Variants in DOK6 observed in about 807,000 individuals in gnomAD.
DOK6 encodes downstream of tyrosine kinase 6.
A neutral mutation model predicts 44.0 loss-of-function variants in DOK6; 22 were observed. That is an observed-to-expected ratio of 0.50 (90% CI 0.36 to 0.71). DOK6 has a LOEUF of 0.71. Among genes scored for constraint, DOK6 ranks in the 30% least tolerant of loss-of-function variants. The pLI is 0.00. For missense variants in DOK6, 340 were observed against 416.4 expected, an observed-to-expected ratio of 0.82 and a Z score of 1.60; for synonymous variants, 166 against 145.5, an observed-to-expected ratio of 1.14 and a Z score of -1.01.
chr18:69,844,818 T>C lies in DOK6; in HGVS notation c.*3435T>C, dbSNP rs1444820162. The stretch of plus-strand genomic sequence containing the variant: ...AGTAAACCTCACCTTTTTCACCAAA[T>C]AGTAACTAGAGAACTAGTCCTAGTA... On this transcript the variant is annotated 3_prime_UTR_variant, in exon 8 of 8. Coordinates refer to ENST00000382713, the MANE Select transcript of DOK6 (RefSeq NM_152721.6). 1.3e-5 allele frequency: 2 copies of C among 152,218 alleles called. No individual in the cohort carries two copies. The highest frequency in any genetic ancestry group is 2.4e-5 in the African/African-American group (1 of 41,452). The allele number at this position is 152,218 out of a possible 1,614,324, so 9.4% of individuals were successfully genotyped here.
chr18:69,628,248 T>G (rs1433118188), intron 3 of DOK6, among the ~76,000 whole-genome samples: 1 of 152,194 alleles, frequency 6.6e-6, no homozygotes. Context: ...CAGCATTTTT[T>G]GGGAGGCTGA....
At chr18:69,799,806 T>C (rs1466589098) in intron 7 of DOK6, among the ~76,000 whole-genome samples, 1 of 152,024 alleles carries the variant, frequency 6.6e-6, no homozygotes. Context: ...ACCGAGGCAT[T>C]TTATTACGCT....
chr18:69,566,095 T>C (rs2144599278), intron 2 of DOK6, among the ~76,000 whole-genome samples: 1 of 151,808 alleles, frequency 6.6e-6, no homozygotes, highest in Non-Finnish European at 1.5e-5. Flanking sequence ...TGGAGCTCTC[T>C]AGCCAGTACA....
rs183053141 is a variant in DOK6, at chr18:69,547,962, A to G, written c.67-16525A>G. On this transcript the variant is annotated intron_variant, in intron 1 of 7. Transcript: ENST00000382713. ...TATATAATATATATAAAATATATAT[A>G]TATGTATTTTTGAGACAGAGTCTCG... 7.8e-4 allele frequency among the ~76,000 whole-genome samples: 115 copies of G among 146,576 alleles called. 5 individuals carry two copies. The highest frequency in any genetic ancestry group is 2.7e-3 in the Admixed American group (40 of 14,594).
chr18:69,458,300 T>C (rs1308474409), intron 1 of DOK6, among the ~76,000 whole-genome samples: 1 of 152,132 alleles, frequency 6.6e-6, no homozygotes, highest in Non-Finnish European at 1.5e-5. Context: ...CAAAAACATA[T>C]ATCATCTCAA....
chr18:69,552,864 A>G (rs2144589718), intron 1 of DOK6, among the ~76,000 whole-genome samples: 1 of 152,400 alleles, frequency 6.6e-6, no homozygotes, highest in South Asian at 2.1e-4. Flanking sequence ...GAAAAGCTGT[A>G]TTCATAGAGA....
intron 1 of DOK6, among the ~76,000 whole-genome samples, chr18:69,474,450 A>G (rs942201707): frequency 1.3e-5 from 2 of 152,318 alleles, no homozygotes; most frequent in South Asian, 4.1e-4. Context: ...TTATTCTAAT[A>G]TCAATAAGAA....
chr18:69,742,369 G>A (rs182784465), intron 6 of DOK6, among the ~76,000 whole-genome samples: 7 of 149,462 alleles, frequency 4.7e-5, no homozygotes, highest in Non-Finnish European at 7.4e-5. Flanking sequence ...AGCCGAGTTC[G>A]TGCCATTGCA....
intron 5 of DOK6, among the ~76,000 whole-genome samples, chr18:69,731,234 T>TA (rs1978390431): frequency 1.3e-5 from 2 of 152,276 alleles, no homozygotes; most frequent in Middle Eastern, 3.4e-3. Flanking sequence ...AGTTTTTAAA[T>TA]AAAAAGTTAA....
At chr18:69,702,255 T>A (rs913601320) in intron 5 of DOK6, among the ~76,000 whole-genome samples, 5 of 151,728 alleles carry the variant, frequency 3.3e-5, no homozygotes, top group African/African-American at 1.2e-4. Context: ...ACTACTGATA[T>A]CTGTCCTGCA....
intron 1 of DOK6, among the ~76,000 whole-genome samples, chr18:69,444,778 T>C (rs2122447592): frequency 6.6e-6 from 1 of 151,882 alleles, no homozygotes; most frequent in African/African-American, 2.4e-5. Flanking sequence ...AAGTAGCTCT[T>C]GAAATTGAGA....
At chr18:69,816,173 C>T (rs571079979) in intron 7 of DOK6, among the ~76,000 whole-genome samples, 37 of 152,230 alleles carry the variant, frequency 2.4e-4, no homozygotes, top group Admixed American at 5.9e-4. Context: ...AGGCCCTCTC[C>T]GCTCCCACTG....
chr18:69,681,837 T>C (rs1263332246), intron 4 of DOK6, among the ~76,000 whole-genome samples: 4 of 152,196 alleles, frequency 2.6e-5, no homozygotes, highest in African/African-American at 9.6e-5. Context: ...AAGAAGCAAT[T>C]CACTTGTAGG....
At chr18:69,631,011 C>A (rs550893773) in intron 3 of DOK6, among the ~76,000 whole-genome samples, 4 of 152,002 alleles carry the variant, frequency 2.6e-5, no homozygotes, top group Non-Finnish European at 5.9e-5. Context: ...AATTTGCATT[C>A]AAGGTGTTAT....
At chr18:69,422,983 T>C (rs895181802) in intron 1 of DOK6, among the ~76,000 whole-genome samples, 4 of 152,130 alleles carry the variant, frequency 2.6e-5, no homozygotes, top group African/African-American at 9.7e-5. Flanking sequence ...TTTTAGAAAG[T>C]TCTTCTTTTC....
chr18:69,542,671 T>C lies in DOK6; in HGVS notation c.67-21816T>C, dbSNP rs1459628640. On this transcript the variant is annotated intron_variant, in intron 1 of 7. Transcript: ENST00000382713. ...ATGTACTTTTTGCAGTTTCAGAGAT[T>C]GATTTTTTTTTCTGAGTAAAAACGC... 4.0e-5 allele frequency among the ~76,000 whole-genome samples: 6 copies of C among 151,390 alleles called. 1 individual carries two copies. Among genetic ancestry groups the C allele is most frequent in the Non-Finnish European group, 7.4e-5 (5 of 67,696 alleles).
At chr18:69,735,834 G>A (rs1204191664) in intron 5 of DOK6, among the ~76,000 whole-genome samples, 3 of 152,236 alleles carry the variant, frequency 2.0e-5, no homozygotes, top group African/African-American at 7.2e-5. Context: ...CCAGAAGCCA[G>A]CCATAGGCCT....
intron 2 of DOK6, among the ~76,000 whole-genome samples, chr18:69,598,189 C>T (rs1282043495): frequency 6.6e-6 from 1 of 151,452 alleles, no homozygotes; most frequent in African/African-American, 2.4e-5. Context: ...ATATTATTTC[C>T]TTAGGAAAAT....
At chr18:69,551,839 T>C (rs932234363) in intron 1 of DOK6, among the ~76,000 whole-genome samples, 1 of 152,232 alleles carries the variant, frequency 6.6e-6, no homozygotes, top group Non-Finnish European at 1.5e-5. Flanking sequence ...TCCAAAGATG[T>C]ATTTACATTT....
Sources: gnomAD v4.1 joint callset for allele counts (sites outside exome capture counted in the v4.1 genomes callset) on GRCh38, gnomAD v4.1.1 for gene constraint, MANE v1.5 for transcripts, NCBI Gene and HGNC (gene_info 2026-07-23, HGNC 2026-07-21) for gene names.